The following SORCS1 variants were observed in gnomAD, a reference collection of about 807,000 sequenced individuals.
SORCS1 encodes sortilin related VPS10 domain containing receptor 1, also known as VPS10 domain-containing receptor SorCS1.
Under a neutral mutation model 146.1 loss-of-function variants are expected in SORCS1, and 60 were observed. The ratio of observed to expected loss-of-function variants is 0.41; its 90% confidence interval spans 0.33 to 0.51. SORCS1 has a LOEUF of 0.51. Among genes scored for constraint, SORCS1 ranks in the 20% least tolerant of loss-of-function variants. The pLI is 0.21. For synonymous variants in SORCS1, 637 were observed against 584.0 expected (o/e 1.09, Z -1.31); for missense variants, 1,352 against 1,487.6 (o/e 0.91, Z 1.50).
intron 1 of SORCS1, among the ~76,000 whole-genome samples, chr10:107,005,839 G>A (rs890022398): frequency 7.2e-5 from 11 of 152,014 alleles, no homozygotes; most frequent in South Asian, 2.1e-4. Flanking sequence ...ATTTTTATTC[G>A]TTTGTTGACA....
chr10:107,176,158 T>G, the SORCS1 span, among the ~76,000 whole-genome samples: 3 of 152,230 alleles, frequency 2.0e-5, no homozygotes, highest in Non-Finnish European at 4.4e-5. Context: ...AATATCTCCA[T>G]TGTTATTTCT....
chr10:106,793,704 C>T (rs1946419125), intron 3 of SORCS1, among the ~76,000 whole-genome samples: 1 of 152,134 alleles, frequency 6.6e-6, no homozygotes, highest in Non-Finnish European at 1.5e-5. Context: ...TTAAGCATTA[C>T]CCAAAATATG....
At chr10:106,964,862 C>T (rs190249015) in intron 1 of SORCS1, among the ~76,000 whole-genome samples, 1 of 151,202 alleles carries the variant, frequency 6.6e-6, no homozygotes, top group African/African-American at 2.4e-5. Context: ...GATCCTCATG[C>T]CTCAGCCCCA....
chr10:106,889,690 G>A (rs769444542), intron 2 of SORCS1, among the ~76,000 whole-genome samples: 12 of 152,016 alleles, frequency 7.9e-5, no homozygotes, highest in Non-Finnish European at 1.5e-4. Flanking sequence ...ACCAGGTCAG[G>A]AGATCAAGAC....
chr10:107,056,402 C>T (rs767301532), intron 1 of SORCS1, among the ~76,000 whole-genome samples: 43 of 152,200 alleles, frequency 2.8e-4, no homozygotes, highest in Admixed American at 2.4e-3. Flanking sequence ...AGGAGCCATC[C>T]ATGTGCAAGA....
chr10:106,675,558 A>T (rs1851963979), intron 13 of SORCS1, among the ~76,000 whole-genome samples: 1 of 152,208 alleles, frequency 6.6e-6, no homozygotes, highest in African/African-American at 2.4e-5. Flanking sequence ...GATTTCAACC[A>T]ACCCATCTCT....
chr10:106,710,432 G>GA (rs33978828), intron 6 of SORCS1, among the ~76,000 whole-genome samples: 2,702 of 126,804 alleles, frequency 0.021, 116 homozygotes, highest in African/African-American at 0.067. Context: ...TGGGTGACAG[G>GA]AAAAAAAAAA....
chr10:106,779,325 A>G (rs567225247), intron 3 of SORCS1, among the ~76,000 whole-genome samples: 2 of 152,256 alleles, frequency 1.3e-5, no homozygotes, highest in African/African-American at 2.4e-5. Context: ...AAACAGGTCA[A>G]TCTGGATCCA....
chr10:106,622,584 C>T (rs888200706), intron 19 of SORCS1, among the ~76,000 whole-genome samples: 1 of 152,196 alleles, frequency 6.6e-6, no homozygotes, highest in Admixed American at 6.5e-5. Flanking sequence ...CAGAATCAAA[C>T]TGATCTTCTG....
chr10:106,882,273 CT>C (rs67908239), intron 2 of SORCS1, among the ~76,000 whole-genome samples: 12,514 of 150,698 alleles, frequency 0.083, 1,449 homozygotes, highest in African/African-American at 0.26. Context: ...AGCTGATGAG[CT>C]TAAAAAAAAA....
intron 1 of SORCS1, among the ~76,000 whole-genome samples, chr10:106,963,967 G>A (rs1210345524): frequency 6.6e-6 from 1 of 152,154 alleles, no homozygotes; most frequent in African/African-American, 2.4e-5. Context: ...ATCTTTCAAG[G>A]AGCAAGTAAG....
chr10:107,013,807 A>T (rs1957779316), intron 1 of SORCS1, among the ~76,000 whole-genome samples: 1 of 152,142 alleles, frequency 6.6e-6, no homozygotes, highest in Admixed American at 6.5e-5. Flanking sequence ...AGGTTGTTGA[A>T]GATTTTGTTT....
chr10:106,975,435 A>C (rs1955951791), intron 1 of SORCS1, among the ~76,000 whole-genome samples: 2 of 152,252 alleles, frequency 1.3e-5, no homozygotes, highest in African/African-American at 4.8e-5. Context: ...GAGAAAACTC[A>C]AAATGCTGTT....
rs137866915 is a variant in SORCS1 at position 106,822,299 on chromosome 10, T to C, written c.726+7275A>G. On this transcript the variant is annotated intron_variant, in intron 3 of 25. Coordinates refer to ENST00000263054, the MANE Select transcript of SORCS1 (RefSeq NM_052918.5). ...ATATAGAATATATGGCAATTTCGGG[T>C]ATAGGTCAGTGTACAGAGAGGAGTG... 4.6e-5 allele frequency among the ~76,000 whole-genome samples: 7 copies of C among 152,216 alleles called. No homozygotes were observed. The East Asian group carries it at 1.2e-3, about 25-fold the overall frequency.
intron 1 of SORCS1, among the ~76,000 whole-genome samples, chr10:107,076,972 C>G (rs141592859): frequency 1.3e-5 from 2 of 152,264 alleles, no homozygotes; most frequent in Non-Finnish European, 2.9e-5. Context: ...GATATGCACA[C>G]TTTACCTGTT....
At chr10:106,973,459 C>G (rs183941369) in intron 1 of SORCS1, among the ~76,000 whole-genome samples, 52 of 152,246 alleles carry the variant, frequency 3.4e-4, no homozygotes, top group Middle Eastern at 3.4e-3. Context: ...GGCCTTGTGA[C>G]AAGGCTTGGG....
At chr10:106,817,237 T>C (rs1054762815) in intron 3 of SORCS1, among the ~76,000 whole-genome samples, 1 of 152,186 alleles carries the variant, frequency 6.6e-6, no homozygotes, top group Non-Finnish European at 1.5e-5. Context: ...CTTTAATTAT[T>C]TGAGTCAAGT....
chr10:106,842,394 C>T lies in SORCS1; in HGVS notation c.627-12721G>A, dbSNP rs534640533. On this transcript the variant is annotated intron_variant, in intron 2 of 25. Transcript: ENST00000263054. The stretch of plus-strand genomic sequence containing the variant: ...GACTACCCTTGTGCACCACCAGGCC[C>T]GGCTAATTTTTGTATTTTTAGTAGA... 1.4e-4 allele frequency among the ~76,000 whole-genome samples: 22 copies of T among 152,050 alleles called. No homozygotes were observed. In the South Asian group the frequency reaches 2.3e-3, roughly 16 times the overall value.
rs1239848929 is a variant in SORCS1, at chr10:106,679,245, T to C, written c.1740+11A>G. 1 of 1,603,100 alleles carries C rather than the reference T, an allele frequency of 6.2e-7. No individual in the cohort carries two copies. The highest frequency in any genetic ancestry group is 1.1e-5 in the South Asian group (1 of 89,012). The stretch of plus-strand genomic sequence containing the variant: ...TAAACTTCAGCGATTTGACCCAGGG[T>C]ATTTTCTTACCTGTCTCCAGGTGTT... On this transcript the variant is annotated intron_variant, in intron 12 of 25. Transcript: ENST00000263054.
Sources: allele counts gnomAD v4.1 joint callset (sites outside exome capture counted in the v4.1 genomes callset), GRCh38; gene constraint gnomAD v4.1.1; transcripts MANE v1.5; gene names NCBI Gene and HGNC (gene_info 2026-07-23, HGNC 2026-07-21).